THSD7B: variants seen among roughly 807,000 people sequenced by gnomAD.
THSD7B encodes thrombospondin type 1 domain containing 7B, also known as thrombospondin type-1 domain-containing protein 7B.
THSD7B carries 138 observed loss-of-function variants against 213.6 expected under a neutral mutation model. The observed-to-expected ratio is 0.65, with a 90% CI of 0.56 to 0.74. The LOEUF (loss-of-function observed/expected upper bound fraction) is 0.74. THSD7B is among the 30% of genes least tolerant of loss of function. The probability of loss-of-function intolerance (pLI) is 0.00; values close to 1 mark genes in which losing one functional copy is unlikely to be tolerated. For missense variants in THSD7B, 1,931 were observed against 1,991.5 expected (o/e 0.97, Z 0.58); for synonymous variants, 742 against 687.0 (o/e 1.08, Z -1.25).
At chr2:136,968,126 G>A (rs184529642) in intron 2 of THSD7B, among the ~76,000 whole-genome samples, 2 of 152,058 alleles carry the variant, frequency 1.3e-5, no homozygotes, top group South Asian at 4.1e-4. Context: ...TGTGGGATTT[G>A]TATTTTAGAA....
intron 12 of THSD7B, among the ~76,000 whole-genome samples, chr2:137,396,581 C>CT (rs1200377865): frequency 1.6e-4 from 23 of 139,508 alleles, no homozygotes; most frequent in African/African-American, 6.1e-4. Context: ...GCTTTACTTC[C>CT]AAGTATGTGG....
intron 2 of THSD7B, among the ~76,000 whole-genome samples, chr2:136,902,688 G>T (rs987926327): frequency 2.0e-5 from 3 of 152,186 alleles, no homozygotes; most frequent in African/African-American, 7.2e-5. Context: ...AGGAGGTAAA[G>T]TCAATGATTC....
chr2:137,574,296 G>A (rs1038168247), intron 17 of THSD7B, among the ~76,000 whole-genome samples: 5 of 151,896 alleles, frequency 3.3e-5, no homozygotes, highest in South Asian at 2.1e-4. Context: ...CTTCTTTTTC[G>A]AAACATAATT....
intron 15 of THSD7B, among the ~76,000 whole-genome samples, chr2:137,463,488 T>G (rs1687928873): frequency 2.0e-5 from 3 of 151,978 alleles, no homozygotes; most frequent in Admixed American, 2.0e-4. Context: ...TAATATAACA[T>G]GCTGCCCCTA....
intron 1 of THSD7B, among the ~76,000 whole-genome samples, chr2:136,836,417 T>C (rs143149851): frequency 6.6e-6 from 1 of 152,332 alleles, no homozygotes; most frequent in Non-Finnish European, 1.5e-5. Flanking sequence ...TTTAATTTCA[T>C]ATTGTCTAGT....
intron 2 of THSD7B, among the ~76,000 whole-genome samples, chr2:136,985,510 A>G (rs1273254498): frequency 6.6e-6 from 1 of 152,230 alleles, no homozygotes; most frequent in Non-Finnish European, 1.5e-5. Flanking sequence ...TAATTCTGGC[A>G]TGCAGAATGC....
At chr2:137,306,347 A>G (rs900301771) in intron 12 of THSD7B, among the ~76,000 whole-genome samples, 3 of 152,102 alleles carry the variant, frequency 2.0e-5, no homozygotes, top group African/African-American at 7.2e-5. Flanking sequence ...AATTCTAGGA[A>G]CTGTAATTTA....
chr2:136,950,239 A>G (rs1254217704), intron 2 of THSD7B, among the ~76,000 whole-genome samples: 1 of 152,144 alleles, frequency 6.6e-6, no homozygotes, highest in Non-Finnish European at 1.5e-5. Context: ...GCGACAGAGC[A>G]AGACTCCATC....
At chr2:137,258,613 C>A (rs1410289178) in intron 10 of THSD7B, among the ~76,000 whole-genome samples, 3 of 151,978 alleles carry the variant, frequency 2.0e-5, no homozygotes, top group Non-Finnish European at 2.9e-5. Flanking sequence ...CCCTGCCCCC[C>A]ACCCGCCACA....
intron 4 of THSD7B, among the ~76,000 whole-genome samples, chr2:137,102,273 C>T (rs1016492816): frequency 2.0e-5 from 3 of 152,208 alleles, no homozygotes; most frequent in Non-Finnish European, 2.9e-5. Context: ...CTCCAGCAGA[C>T]TCCAGCAGAC....
intron 2 of THSD7B, among the ~76,000 whole-genome samples, chr2:137,042,125 T>G (rs1686894925): frequency 6.6e-6 from 1 of 152,218 alleles, no homozygotes; most frequent in South Asian, 2.1e-4. Flanking sequence ...TACCTTCACA[T>G]TTATTCCTTG....
chr2:137,569,203 C>T (rs1290756781), intron 16 of THSD7B, among the ~76,000 whole-genome samples: 5 of 152,146 alleles, frequency 3.3e-5, no homozygotes, highest in African/African-American at 1.2e-4. Flanking sequence ...GAAAGAGATT[C>T]TTCTCTAGGA....
rs185002046 is a variant in THSD7B, at chr2:137,514,837, A to G, written c.3139-48384A>G. Among the ~76,000 whole-genome samples the G allele has an allele frequency of 2.6e-5, 4 of 152,280 alleles. No individual in the cohort carries two copies. The East Asian group carries it at 7.7e-4, about 29-fold the overall frequency. ...CAAGGTGTTTGGTGACTCTAAACAT[A>G]ATACCTTTGACTATATGTGGAGAAC... is the stretch of plus-strand genomic sequence containing the variant. On this transcript the variant is annotated intron_variant, in intron 15 of 27. Coordinates refer to ENST00000409968, the MANE Select transcript of THSD7B (RefSeq NM_001316349.2).
intron 22 of THSD7B, 33 bp downstream of exon 22, chr2:137,655,693 A>G (rs760157407): frequency 6.9e-6 from 11 of 1,591,412 alleles, no homozygotes; most frequent in Non-Finnish European, 9.4e-6. Flanking sequence ...AGCGCCTCCC[A>G]TGGTGATCTT....
At chr2:137,180,646 T>C (rs887404985) in intron 7 of THSD7B, among the ~76,000 whole-genome samples, 11 of 152,078 alleles carry the variant, frequency 7.2e-5, no homozygotes, top group African/African-American at 2.7e-4. Flanking sequence ...GATGAGAAAA[T>C]TGTAGGCAGA....
intron 2 of THSD7B, among the ~76,000 whole-genome samples, chr2:136,902,153 T>G (rs1684073488): frequency 8.3e-6 from 1 of 119,984 alleles, no homozygotes; most frequent in African/African-American, 2.6e-5. Context: ...ATCATGGAAA[T>G]TCTAGAATCA....
chr2:137,313,114 G>A (rs1256049568), intron 12 of THSD7B, among the ~76,000 whole-genome samples: 1 of 152,022 alleles, frequency 6.6e-6, no homozygotes, highest in African/African-American at 2.4e-5. Context: ...GGGTGTTAAA[G>A]TCTCCCATTA....
intron 27 of THSD7B, among the ~76,000 whole-genome samples, chr2:137,676,184 T>C (rs1392591371): frequency 1.3e-5 from 2 of 152,182 alleles, no homozygotes; most frequent in Non-Finnish European, 2.9e-5. Context: ...CTGCTTATGA[T>C]GTTGAGCATC....
chr2:137,381,088 A>G (rs538590733), intron 12 of THSD7B, among the ~76,000 whole-genome samples: 1 of 152,158 alleles, frequency 6.6e-6, no homozygotes, highest in Non-Finnish European at 1.5e-5. Flanking sequence ...GAACCTGACA[A>G]TTGGTGTCAC....
Sources: gnomAD v4.1 joint callset for allele counts (sites outside exome capture counted in the v4.1 genomes callset) on GRCh38, gnomAD v4.1.1 for gene constraint, MANE v1.5 for transcripts, NCBI Gene and HGNC (gene_info 2026-07-23, HGNC 2026-07-21) for gene names.